OCA2: variants seen among roughly 807,000 people sequenced by gnomAD.
OCA2 encodes OCA2 melanosomal transmembrane protein.
Under a neutral mutation model 100.2 loss-of-function variants are expected in OCA2, and 77 were observed. The ratio of observed to expected loss-of-function variants is 0.77; its 90% CI spans 0.64 to 0.93. The LOEUF is 0.93. OCA2 is among the 40% of genes least tolerant of loss of function. OCA2 has a pLI of 0.00. For missense variants in OCA2, 1,062 were observed against 1,089.1 expected (o/e 0.98, Z 0.35); for synonymous variants, 432 against 439.2 (o/e 0.98, Z 0.21).
chr15:27,986,493 T>C (rs1185827934), intron 12 of OCA2, 94 bp downstream of exon 12: 2 of 895,554 alleles, frequency 2.2e-6, no homozygotes, highest in Non-Finnish European at 1.8e-6. Context: ...TTTCAATGTT[T>C]GTTTTAAATG....
chr15:27,766,251 C>T (rs562950511), intron 23 of OCA2, among the ~76,000 whole-genome samples: 1 of 152,198 alleles, frequency 6.6e-6, no homozygotes, highest in African/African-American at 2.4e-5. Context: ...ACCATATAGT[C>T]AACATAACAT....
At chr15:28,033,148 C>T (rs1270609915) in intron 2 of OCA2, among the ~76,000 whole-genome samples, 2 of 152,198 alleles carry the variant, frequency 1.3e-5, no homozygotes, top group African/African-American at 2.4e-5. Context: ...CAACCACAAC[C>T]GGCATGTATG....
chr15:27,730,484 T>C, the OCA2 span, among the ~76,000 whole-genome samples: 1 of 152,084 alleles, frequency 6.6e-6, no homozygotes, highest in African/African-American at 2.4e-5. Context: ...TAGGCATAAT[T>C]GATTAAATCA....
chr15:28,059,539 T>A (rs1409304452), intron 2 of OCA2, among the ~76,000 whole-genome samples: 6 of 152,162 alleles, frequency 3.9e-5, no homozygotes. Flanking sequence ...AGACCCTGTC[T>A]CAGAAATAGT....
chr15:27,914,151 A>T (rs1198247807), intron 19 of OCA2, among the ~76,000 whole-genome samples: 1 of 152,178 alleles, frequency 6.6e-6, no homozygotes, highest in African/African-American at 2.4e-5. Context: ...GATCATCGCC[A>T]TAGATGCAGA....
chr15:28,036,414 T>C (rs116422293), intron 2 of OCA2, among the ~76,000 whole-genome samples: 1 of 152,228 alleles, frequency 6.6e-6, no homozygotes, highest in African/African-American at 2.4e-5. Flanking sequence ...CAAACCGCTA[T>C]CCCCACTAGT....
chr15:27,990,639 G>A lies in OCA2; in HGVS notation c.1053C>T (p.His351=). ...VYALIIFEIV[H]RTLAAMLGSL... is the part of the protein sequence containing the mutation. ...AACCCAGCATGGCCGCCAGAGTTCTGTGCACGATCTGGAAAGAAGCACAGG... is the reference window on the plus strand; with the variant it reads ...AACCCAGCATGGCCGCCAGAGTTCTATGCACGATCTGGAAAGAAGCACAGG... The change falls in exon 10 of 24, where the codon CAC becomes CAT. Residue 351 remains histidine (H), a synonymous_variant. Coordinates refer to ENST00000354638, the MANE Select transcript of OCA2 (RefSeq NM_000275.3). 2 of 1,613,892 alleles carry A rather than the reference G, an allele frequency of 1.2e-6. No individual in the cohort carries two copies. Among genetic ancestry groups the A allele is most frequent in the South Asian group, 2.2e-5 (2 of 91,080 alleles).
the OCA2 span, among the ~76,000 whole-genome samples, chr15:27,721,228 G>T: frequency 6.6e-6 from 1 of 152,084 alleles, no homozygotes; most frequent in African/African-American, 2.4e-5. Context: ...TTGCAGCCAG[G>T]TGCGGTGCTC....
chr15:27,875,420 G>A (rs11858819), intron 19 of OCA2, among the ~76,000 whole-genome samples: 2,392 of 152,164 alleles, frequency 0.016, 56 homozygotes, highest in African/African-American at 0.05. Context: ...CTTTGTAGTA[G>A]GTCAGGAAAT....
chr15:27,985,123 G>A lies in OCA2; in HGVS notation c.1305C>T (p.Val435=). The A allele has an allele frequency of 6.2e-7, 1 of 1,614,036 alleles. No homozygotes were observed. The highest frequency in any genetic ancestry group is 8.5e-7 in the Non-Finnish European group (1 of 1,179,980). The change falls in exon 13 of 24, where the codon GTC becomes GTT. Residue 435 remains valine, a synonymous_variant. Transcript: ENST00000354638. Reference sequence around the variant, plus strand: ...TGACGTTGTCCAAGAAGGCAGAGAGGACGGCCGCGATGAGACAGAGCATGA... The same window carrying A: ...TGACGTTGTCCAAGAAGGCAGAGAGAACGGCCGCGATGAGACAGAGCATGA... ...MIIMLCLIAA[V]LSAFLDNVTT... is the part of the protein sequence containing the mutation.
chr15:28,093,511 T>C (rs1196348364), intron 1 of OCA2, among the ~76,000 whole-genome samples: 1 of 151,872 alleles, frequency 6.6e-6, no homozygotes, highest in Non-Finnish European at 1.5e-5. Context: ...CCAATGGGAA[T>C]GTAAAATTGT....
intron 19 of OCA2, among the ~76,000 whole-genome samples, chr15:27,881,205 G>A (rs1346641810): frequency 5.3e-5 from 8 of 152,148 alleles, no homozygotes; most frequent in Non-Finnish European, 8.8e-5. Flanking sequence ...CCTGAAGGAC[G>A]AAGCCGACTT....
intron 19 of OCA2, among the ~76,000 whole-genome samples, 192 bp from the exon 20 acceptor site, chr15:27,872,114 A>C (rs2036604014): frequency 6.6e-6 from 1 of 152,222 alleles, no homozygotes; most frequent in Admixed American, 6.5e-5. Context: ...AGATTCATGG[A>C]GAAAAAGTCC....
At chr15:27,902,687 G>A (rs2140189203) in intron 19 of OCA2, among the ~76,000 whole-genome samples, 1 of 152,280 alleles carries the variant, frequency 6.6e-6, no homozygotes. Context: ...AGTGCCACCA[G>A]GGAAACAGAG....
chr15:28,062,714 T>C (rs1243880597), intron 2 of OCA2, among the ~76,000 whole-genome samples: 1 of 152,172 alleles, frequency 6.6e-6, no homozygotes, highest in African/African-American at 2.4e-5. Context: ...TATGATCCCT[T>C]TTGAGTTAAT....
intron 3 of OCA2, among the ~76,000 whole-genome samples, chr15:28,030,477 T>C (rs2042878943): frequency 1.3e-5 from 2 of 152,156 alleles, no homozygotes; most frequent in African/African-American, 4.8e-5. Context: ...TGAAGGAGTT[T>C]CCTCTAGTCA....
intron 21 of OCA2, among the ~76,000 whole-genome samples, chr15:27,863,035 G>C (rs1274089306): frequency 6.6e-6 from 1 of 152,212 alleles, no homozygotes; most frequent in African/African-American, 2.4e-5. Context: ...TCAGGGGCCT[G>C]GGAAGCTGGC....
chr15:28,062,204 A>G (rs2043893372), intron 2 of OCA2, among the ~76,000 whole-genome samples: 1 of 152,218 alleles, frequency 6.6e-6, no homozygotes, highest in Non-Finnish European at 1.5e-5. Context: ...GAGAGTTCCA[A>G]TTTCTCCACA....
chr15:27,977,781 C>T (rs1172254096), intron 14 of OCA2, among the ~76,000 whole-genome samples: 1 of 152,112 alleles, frequency 6.6e-6, no homozygotes, highest in Non-Finnish European at 1.5e-5. Context: ...GGATTAATGC[C>T]TGTATAAGAA....
Sources: gnomAD v4.1 joint callset for allele counts (sites outside exome capture counted in the v4.1 genomes callset) on GRCh38, gnomAD v4.1.1 for gene constraint, MANE v1.5 for transcripts, NCBI Gene and HGNC (gene_info 2026-07-23, HGNC 2026-07-21) for gene names.